Variants in CDC42BPA observed in about 807,000 individuals in gnomAD.
CDC42BPA encodes CDC42 binding protein kinase alpha.
Under a neutral mutation model 223.5 loss-of-function variants are expected in CDC42BPA, and 80 were observed. The ratio of observed to expected loss-of-function variants is 0.36; its 90% CI spans 0.30 to 0.43. The LOEUF (loss-of-function observed/expected upper bound fraction) is 0.43, where lower values mean the gene tolerates loss of function less well. Among genes scored for constraint, CDC42BPA ranks in the 20% least tolerant of loss-of-function variants. The probability of loss-of-function intolerance (pLI) is 1.00; values close to 1 mark genes in which losing one functional copy is unlikely to be tolerated. For missense variants in CDC42BPA, 1,743 were observed against 2,099.9 expected, an observed-to-expected ratio of 0.83 and a Z score of 3.32; for synonymous variants, 694 against 718.6, an observed-to-expected ratio of 0.97 and a Z score of 0.55.
intron 3 of CDC42BPA, among the ~76,000 whole-genome samples, chr1:227,211,743 T>A (rs1673940835): frequency 1.3e-5 from 2 of 151,342 alleles, no homozygotes; most frequent in Admixed American, 1.3e-4. Context: ...CAGAGTGGAA[T>A]AATACATTGC....
chr1:227,163,464 T>C (rs948991343), intron 5 of CDC42BPA, among the ~76,000 whole-genome samples: 4 of 151,730 alleles, frequency 2.6e-5, no homozygotes, highest in Admixed American at 2.0e-4. Context: ...ATGAAAGATA[T>C]GGACATCTTC....
chr1:227,295,742 T>C (rs909198983), intron 1 of CDC42BPA, among the ~76,000 whole-genome samples: 2 of 152,264 alleles, frequency 1.3e-5, no homozygotes, highest in Non-Finnish European at 2.9e-5. Context: ...TGGGCCATCC[T>C]TGGAGTATGG....
At position 226,994,502 on chromosome 1, in the gene CDC42BPA, C is replaced by G; in HGVS notation, c.5134-103G>C. ...CCCTCCAGCCACCCTGACCAAATAACCCCATGGGGCGGCCTCACTGTCGGT... is the reference window on the plus strand; with the variant it reads ...CCCTCCAGCCACCCTGACCAAATAAGCCCATGGGGCGGCCTCACTGTCGGT... On this transcript the variant is annotated intron_variant, in intron 36 of 36. Coordinates refer to ENST00000366766, the MANE Select transcript of CDC42BPA (RefSeq NM_001394014.1). The surrounding 1 kb of genome is among the most constrained non-coding windows in gnomAD (Gnocchi z 4.0). 1 of 1,340,406 alleles carries G rather than the reference C, an allele frequency of 7.5e-7. No homozygotes were observed. The highest frequency in any genetic ancestry group is 9.9e-7 in the Non-Finnish European group (1 of 1,008,156). 83.0% of individuals were successfully genotyped at this position (1,340,406 alleles called of 1,614,324 possible). A position where few individuals can be genotyped will look rare whatever the true frequency, so the allele number is the denominator to read the frequency against.
At position 227,028,652 on chromosome 1, in the gene CDC42BPA, C is replaced by A; in HGVS notation, c.4432+5G>T. 1 of 1,530,250 alleles carries A rather than the reference C, an allele frequency of 6.5e-7. No homozygotes were observed. 94.8% of individuals were successfully genotyped at this position (1,530,250 alleles called of 1,614,324 possible). A position where few individuals can be genotyped will look rare whatever the true frequency, so the allele number is the denominator to read the frequency against. ...ATAAGACAGCCGTAAGAAAGAGAAT[C>A]TTACAACAAGAGGAAGGATTTGCTG... On this transcript the variant is annotated splice_donor_5th_base_variant and intron_variant, in intron 30 of 36. Coordinates refer to ENST00000366766, the MANE Select transcript of CDC42BPA (RefSeq NM_001394014.1).
At position 226,999,204 on chromosome 1, in the gene CDC42BPA, C is replaced by T. The variant is rs1338373662; in HGVS notation, c.4976-4224G>A. On this transcript the variant is annotated intron_variant, in intron 35 of 36. Transcript: ENST00000366766. ...CTTTTTTTTTTTTTTTGAGACACAG[C>T]CTTGTTCTGTTGCCCAGGCTGGAGT... is the stretch of plus-strand genomic sequence containing the variant. Among the ~76,000 whole-genome samples the T allele has an allele frequency of 6.7e-5, 10 of 149,284 alleles. No homozygotes were observed. In the East Asian group the frequency reaches 2.0e-3, roughly 29 times the overall value.
intron 8 of CDC42BPA, 106 bp downstream of exon 8, chr1:227,145,383 T>A: frequency 1.1e-6 from 1 of 931,670 alleles, no homozygotes; most frequent in Non-Finnish European, 1.6e-6. Context: ...TAATAACTGA[T>A]CATTGTAAAA....
chr1:227,072,304 A>C lies in CDC42BPA; in HGVS notation c.2736-5T>G. On this transcript the variant is annotated splice_polypyrimidine_tract_variant and splice_region_variant and intron_variant, in intron 19 of 36. Coordinates refer to ENST00000366766, the MANE Select transcript of CDC42BPA (RefSeq NM_001394014.1). ...TTCTCTGAATCTTTTAGTTTACTTA[A>C]ATAAGGAGAAAAAAGGAAAAATGTC... The C allele has an allele frequency of 6.5e-7, 1 of 1,541,250 alleles. No individual in the cohort carries two copies. Among genetic ancestry groups the C allele is most frequent in the Non-Finnish European group, 8.9e-7 (1 of 1,118,258 alleles).
At chr1:227,166,502 C>CT (rs985338500) in intron 5 of CDC42BPA, among the ~76,000 whole-genome samples, 1 of 152,166 alleles carries the variant, frequency 6.6e-6, no homozygotes, top group Non-Finnish European at 1.5e-5. Flanking sequence ...AATTCACATA[C>CT]TTTATCACCT....
intron 14 of CDC42BPA, among the ~76,000 whole-genome samples, chr1:227,103,166 A>T (rs1247144195): frequency 6.6e-6 from 1 of 152,106 alleles, no homozygotes; most frequent in Non-Finnish European, 1.5e-5. Context: ...TAAAATAGTT[A>T]AAAAAATGAA....
Position 227,315,191 on chromosome 1 carries a change from AAT to A in CDC42BPA, c.178+1812_178+1813del, listed in dbSNP as rs1694167615. Among the ~76,000 whole-genome samples the A allele has an allele frequency of 2.6e-5, 4 of 152,194 alleles. No individual in the cohort carries two copies. The South Asian group carries it at 8.3e-4, about 32-fold the overall frequency. Reference sequence around the variant, plus strand: ...TCCAGACTTCCATACTAATAAAAATAATACTCAGCCAAATACTTATTTGATAT... The same window carrying A: ...TCCAGACTTCCATACTAATAAAAATAACTCAGCCAAATACTTATTTGATAT... On this transcript the variant is annotated intron_variant, in intron 1 of 36. Coordinates refer to ENST00000366766, the MANE Select transcript of CDC42BPA (RefSeq NM_001394014.1).
chr1:227,266,712 T>C (rs1249916091), intron 1 of CDC42BPA, among the ~76,000 whole-genome samples: 1 of 152,230 alleles, frequency 6.6e-6, no homozygotes, highest in East Asian at 1.9e-4. Flanking sequence ...GGACTCATAA[T>C]CTTCAGATTA....
chr1:227,042,960 T>C (rs1671692431), intron 23 of CDC42BPA, among the ~76,000 whole-genome samples: 2 of 152,142 alleles, frequency 1.3e-5, no homozygotes, highest in Non-Finnish European at 2.9e-5. Context: ...ATGTTTTTAA[T>C]AGAAGATGTA....
chr1:227,219,400 G>C (rs1229772240), intron 2 of CDC42BPA: 1 of 152,196 alleles, frequency 6.6e-6, no homozygotes, highest in Admixed American at 6.5e-5. Flanking sequence ...GCAACACCCA[G>C]GGCGTAAGTT....
At position 227,028,796 on chromosome 1, in the gene CDC42BPA, T is replaced by C; in HGVS notation, c.4293A>G (p.Pro1431=). Residue 1431 remains proline, a synonymous_variant, in exon 30 of 37, where the codon CCA becomes CCG. Transcript: ENST00000366766. ...DHTLSFIAHQ[P]MDAICAVEIS... is the part of the protein sequence containing the mutation. ...TCTCAACTGCGCAGATAGCATCCAT[T>C]GGTTGATGTGCAATAAATGATAGTG... is the stretch of plus-strand genomic sequence containing the variant. 6.2e-7 allele frequency: 1 copy of C among 1,614,090 alleles called. No homozygotes were observed. The highest frequency in any genetic ancestry group is 8.5e-7 in the Non-Finnish European group (1 of 1,179,956).
chr1:227,038,908 T>C (rs538941634), intron 24 of CDC42BPA, among the ~76,000 whole-genome samples: 12 of 152,306 alleles, frequency 7.9e-5, no homozygotes, highest in African/African-American at 2.9e-4. Flanking sequence ...ATTTTGCTTG[T>C]TGGCTTTCTA....
chr1:227,120,749 C>A (rs956578653), intron 11 of CDC42BPA, among the ~76,000 whole-genome samples: 3 of 152,172 alleles, frequency 2.0e-5, no homozygotes, highest in Non-Finnish European at 2.9e-5. Flanking sequence ...CTAAACAACA[C>A]TCATTATCGG....
chr1:227,220,371 ATATATAT>A (rs1025327684), intron 2 of CDC42BPA, among the ~76,000 whole-genome samples: 1 of 148,184 alleles, frequency 6.7e-6, no homozygotes, highest in African/African-American at 2.5e-5. Flanking sequence ...ATATAAGGAA[ATATATAT>A]TATGTAAGGA....
chr1:227,051,002 T>A (rs1291417942), intron 22 of CDC42BPA, among the ~76,000 whole-genome samples: 1 of 152,150 alleles, frequency 6.6e-6, no homozygotes, highest in East Asian at 1.9e-4. Context: ...AAATGTATAA[T>A]CTCAAAATAT....
At chr1:227,144,310 C>G (rs902017537) in intron 8 of CDC42BPA, among the ~76,000 whole-genome samples, 5 of 152,118 alleles carry the variant, frequency 3.3e-5, no homozygotes, top group African/African-American at 1.2e-4. Context: ...GGAGCAGTGG[C>G]TCATGCCTAT....
Sources: allele counts gnomAD v4.1 joint callset (sites outside exome capture counted in the v4.1 genomes callset), GRCh38; gene constraint gnomAD v4.1.1; non-coding constraint Gnocchi (gnomAD v3.1); transcripts MANE v1.5; gene names NCBI Gene and HGNC (gene_info 2026-07-23, HGNC 2026-07-21).